Variants in ERCC6L observed in about 807,000 individuals in gnomAD.
ERCC6L encodes the protein DNA excision repair protein ERCC-6-like.
Under a neutral mutation model 20.1 loss-of-function variants are expected in ERCC6L, and 7 were observed. That is an observed-to-expected ratio of 0.35 (90% confidence interval 0.20 to 0.65). The LOEUF is 0.65. ERCC6L is among the 30% of genes least tolerant of loss of function. The probability of loss-of-function intolerance (pLI) is 0.69; values close to 1 mark genes in which losing one functional copy is unlikely to be tolerated. For missense variants in ERCC6L, 592 were observed against 892.4 expected (o/e 0.66, Z 4.29); for synonymous variants, 278 against 331.3 (o/e 0.84, Z 1.75).
chrX:72,224,118 G>A (rs2042941243), intron 1 of ERCC6L, among the ~76,000 whole-genome samples: 2 of 111,279 alleles, frequency 1.8e-5, no homozygotes, highest in Non-Finnish European at 3.8e-5. Flanking sequence ...TAATTGGGAC[G>A]GTATCCAGTA....
At chrX:72,219,847 C>CAAA (rs55860938) in intron 1 of ERCC6L, among the ~76,000 whole-genome samples, 1 of 65,000 alleles carries the variant, frequency 1.5e-5, no homozygotes, top group African/African-American at 5.2e-5. Flanking sequence ...GACTCCGTCT[C>CAAA]AAAAAAAAAA....
At chrX:72,225,570 C>A (rs2042949229) in intron 1 of ERCC6L, among the ~76,000 whole-genome samples, 1 of 112,112 alleles carries the variant, frequency 8.9e-6, no homozygotes, top group Non-Finnish European at 1.9e-5. Flanking sequence ...TCAACAAATC[C>A]CTTTTCCTAA....
At chrX:72,219,999 T>A (rs1189048882) in intron 1 of ERCC6L, among the ~76,000 whole-genome samples, 14 of 111,728 alleles carry the variant, frequency 1.3e-4, no homozygotes, top group Non-Finnish European at 9.4e-5. Context: ...CTATGGGATT[T>A]TTGTAGATAC....
At position 72,205,511 on chromosome X, in the gene ERCC6L, A is replaced by C; in HGVS notation, c.3256T>G (p.Ser1086Ala). ...GCCAGAGATCTTCTAGAGTTCATAGACTTATTTACACTACTGGGTATTTGA... is the reference window on the plus strand; with the variant it reads ...GCCAGAGATCTTCTAGAGTTCATAGCCTTATTTACACTACTGGGTATTTGA... The part of the protein sequence containing the change: ...SSQIPSSVNK[S>A]MNSRRSLASR... Residue 1086 changes from serine (S) to alanine (A), a missense_variant, in exon 2 of 2, where the codon TCT becomes GCT. Physicochemically the swap from Ser to Ala is moderately conservative, Grantham distance 99 (BLOSUM62 1). This residue lies in a region of ERCC6L where 352 missense variants were observed against 402.6 expected (regional missense o/e 0.87). Transcript: ENST00000334463. The C allele has an allele frequency of 8.3e-7, 1 of 1,211,371 alleles. No homozygotes were observed. The highest frequency in any genetic ancestry group is 1.1e-6 in the Non-Finnish European group (1 of 895,314).
chrX:72,209,172 A>T (rs1391645752), intron 1 of ERCC6L, among the ~76,000 whole-genome samples: 2 of 110,106 alleles, frequency 1.8e-5, no homozygotes, highest in Non-Finnish European at 3.8e-5. Context: ...TTCACTGACC[A>T]TTTCTTCTGT....
intron 1 of ERCC6L, among the ~76,000 whole-genome samples, chrX:72,226,239 A>C (rs1247553631): frequency 1.8e-5 from 2 of 111,081 alleles, no homozygotes; most frequent in African/African-American, 6.6e-5. Context: ...CCTTACTTCC[A>C]CTCACATAAA....
chrX:72,219,468 C>T (rs2042908304), intron 1 of ERCC6L, among the ~76,000 whole-genome samples: 1 of 109,352 alleles, frequency 9.1e-6, no homozygotes. Context: ...GCAGGAGAAT[C>T]GCTTGAACCT....
chrX:72,235,662 G>C (rs1267058443), intron 1 of ERCC6L, among the ~76,000 whole-genome samples: 1 of 111,575 alleles, frequency 9.0e-6, no homozygotes, highest in African/African-American at 3.3e-5. Flanking sequence ...CCAAGTGCTG[G>C]GATTACAGGC....
chrX:72,215,256 G>A (rs768496176), intron 1 of ERCC6L, among the ~76,000 whole-genome samples: 3 of 111,663 alleles, frequency 2.7e-5, no homozygotes, highest in Non-Finnish European at 5.6e-5. Flanking sequence ...GGGCGTGAGG[G>A]CACTTTCTGG....
chrX:72,227,236 G>GTA (rs954183136), intron 1 of ERCC6L, among the ~76,000 whole-genome samples: 1 of 111,838 alleles, frequency 8.9e-6, no homozygotes, highest in African/African-American at 3.3e-5. Flanking sequence ...CAGGTTCAGG[G>GTA]TGCCTCTTTC....
rs1408754751 is a variant in ERCC6L, at chrX:72,206,242, G to C, written c.2525C>G (p.Ala842Gly). The C allele has an allele frequency of 8.3e-7, 1 of 1,208,721 alleles. No individual in the cohort carries two copies. Among genetic ancestry groups the C allele is most frequent in the South Asian group, 1.8e-5 (1 of 56,034 alleles). ...CTCTTGTAATGTCTCTTTTTGTACA[G>C]CTTCATTTTTAGTTGCAAAGCTTTT... ...MEKSFATKNE[A>G]VQKETLQEGP... Residue 842 changes from alanine (A) to glycine (G), a missense_variant, in exon 2 of 2, where the codon GCT becomes GGT. Around this residue, in one of 3 missense-constraint regions of ERCC6L, gnomAD observed 352 missense variants for 402.6 expected, o/e 0.87. Coordinates refer to ENST00000334463, the MANE Select transcript of ERCC6L (RefSeq NM_017669.4).
At chrX:72,238,819 G>C in intron 1 of ERCC6L, 25 bp downstream of exon 1, 1 of 1,171,694 alleles carries the variant, frequency 8.5e-7, no homozygotes, top group Non-Finnish European at 1.1e-6. Flanking sequence ...CGGTTAGCTA[G>C]ACCCGCCCAG....
rs2042830116 is a variant in ERCC6L at position 72,207,959 on chromosome X, G to A, written c.808C>T (p.Leu270=). 1 of 1,209,395 alleles carries A rather than the reference G, an allele frequency of 8.3e-7. No individual in the cohort carries two copies. The highest frequency in any genetic ancestry group is 1.8e-5 in the African/African-American group (1 of 57,098). ...GACCCTTGACAAGCAAAATCAAATA[G>A]GGACCATAGTTCTTGTAAATTATTC... ...IQNNLQELWS[L]FDFACQGSLL... The change falls in exon 2 of 2, where the codon CTA becomes TTA. Residue 270 remains leucine (L), a synonymous_variant. Coordinates refer to ENST00000334463, the MANE Select transcript of ERCC6L (RefSeq NM_017669.4).
Position 72,205,217 on chromosome X carries a change from G to A in ERCC6L, c.3550C>T (p.Gln1184Ter). Residue 1184 changes from glutamine to a stop codon, truncating the protein, a stop_gained, in exon 2 of 2, where the codon CAG (glutamine) becomes TAG (stop). Coordinates refer to ENST00000334463, the MANE Select transcript of ERCC6L (RefSeq NM_017669.4). LOFTEE classifies it high-confidence loss of function. ...LGAPEPLSGEQLVGSPQDKAA... is the reference protein window; with the variant it reads ...LGAPEPLSGE ...TTATCCTGGGGAGAACCAACCAACT[G>A]TTCACCAGACAAAGGCTCAGGGGCA... 2.5e-6 allele frequency: 3 copies of A among 1,211,641 alleles called. No homozygotes were observed. In the South Asian group the frequency reaches 5.3e-5, roughly 21 times the overall value.
chrX:72,234,174 A>G (rs1006933834), intron 1 of ERCC6L, among the ~76,000 whole-genome samples: 2 of 112,205 alleles, frequency 1.8e-5, no homozygotes, highest in Non-Finnish European at 3.8e-5. Context: ...GTGAAATGTC[A>G]TATCTGGGGA....
chrX:72,219,979 A>G (rs1023189511), intron 1 of ERCC6L, among the ~76,000 whole-genome samples: 5 of 111,680 alleles, frequency 4.5e-5, no homozygotes, highest in African/African-American at 1.6e-4. Context: ...ACCATTAAGT[A>G]CAATGTTAGC....
intron 1 of ERCC6L, among the ~76,000 whole-genome samples, chrX:72,212,275 A>AAT (rs2042860136): frequency 9.1e-6 from 1 of 109,556 alleles, no homozygotes; most frequent in African/African-American, 3.3e-5. Flanking sequence ...ATCTCAAAAA[A>AAT]AATAATAATA....
At chrX:72,235,672 C>T (rs2043013564) in intron 1 of ERCC6L, among the ~76,000 whole-genome samples, 1 of 111,922 alleles carries the variant, frequency 8.9e-6, no homozygotes, top group Admixed American at 9.5e-5. Context: ...GGATTACAGG[C>T]GTGAGCCACC....
intron 1 of ERCC6L, among the ~76,000 whole-genome samples, chrX:72,229,145 C>T (rs1388978962): frequency 9.0e-6 from 1 of 111,650 alleles, no homozygotes; most frequent in South Asian, 3.7e-4. Flanking sequence ...AACACACCCC[C>T]CTTTTACAAC....
Sources: gnomAD v4.1 joint callset for allele counts (sites outside exome capture counted in the v4.1 genomes callset) on GRCh38, gnomAD v4.1.1 for gene constraint, gnomAD v4.1.1 regional missense constraint, MANE v1.5 for transcripts, NCBI Gene and HGNC (gene_info 2026-07-23, HGNC 2026-07-21) for gene names.